The following ERI2 variants were observed in gnomAD, a reference collection of about 807,000 sequenced individuals.
The protein encoded by ERI2 is ERI1 exoribonuclease family member 2.
Under a neutral mutation model 46.8 loss-of-function variants are expected in ERI2, and 35 were observed. The observed-to-expected ratio is 0.75, with a 90% CI of 0.57 to 0.99. The LOEUF (loss-of-function observed/expected upper bound fraction) is 0.99. ERI2 is among the 50% of genes least tolerant of loss of function. The pLI is 0.00. For synonymous variants in ERI2, 224 were observed against 271.0 expected (o/e 0.83, Z 1.70); for missense variants, 695 against 796.2 (o/e 0.87, Z 1.53).
chr16:20,806,038 G>A (rs2080864554), intron 1 of ERI2: 7 of 1,189,938 alleles, frequency 5.9e-6, no homozygotes, highest in South Asian at 3.8e-5. Context: ...TTTCGAACAG[G>A]TTGAACACCT....
chr16:20,806,326 C>T, intron 1 of ERI2, 82 bp downstream of exon 1: 3 of 1,527,756 alleles, frequency 2.0e-6, no homozygotes, highest in African/African-American at 1.4e-5. Context: ...CCGCAGATGC[C>T]ACCTGCCGTG....
chr16:20,790,797 A>G lies in ERI2; in HGVS notation c.815+53T>C. 1 of 1,613,342 alleles carries G rather than the reference A, an allele frequency of 6.2e-7. No homozygotes were observed. Among genetic ancestry groups the G allele is most frequent in the African/African-American group, 1.3e-5 (1 of 74,962 alleles). ...AGGATAGGTACTTGACCCTTTCTTG[A>G]GAGATTGGTTGTCCTGAATAGTAAT... is the stretch of plus-strand genomic sequence containing the variant. On this transcript the variant is annotated intron_variant, in intron 9 of 10. Coordinates refer to the ERI2 transcript ENST00000300005. This position sits in a 1 kb window ranked among gnomAD's most constrained non-coding sequence, Gnocchi z 4.0.
chr16:20,798,302 T>A lies in ERI2; in HGVS notation c.1498A>T (p.Lys500Ter), dbSNP rs2080757136. 12 of 1,551,414 alleles carry A rather than the reference T, an allele frequency of 7.7e-6. No individual in the cohort carries two copies. Among genetic ancestry groups the A allele is most frequent in the Non-Finnish European group, 9.6e-6 (11 of 1,146,906 alleles). The change falls in exon 9 of 9, where the codon AAG becomes TAG. Residue 500 changes from lysine to a stop codon, truncating the protein, a stop_gained. Coordinates refer to ENST00000357967, the MANE Select transcript of ERI2 (RefSeq NM_001142725.2). LOFTEE classifies it high-confidence loss of function. The part of the protein sequence containing the change: ...KDPGSDISAF[K>*]LPEHKSSTFN... ...GTACTTGATTTGTGTTCAGGTAACT[T>A]AAAGGCAGAAATATCTGAACCTGGA...
downstream of ERI2, among the ~76,000 whole-genome samples, chr16:20,794,075 T>G (rs2080666163): frequency 6.6e-6 from 1 of 152,158 alleles, no homozygotes; most frequent in Admixed American, 6.5e-5. Context: ...GTAGAAGATG[T>G]GAGTGGGTAT....
In ERI2 at chr16:20,802,894, A is replaced by AT. The variant is rs779592371; in HGVS notation, c.204dup (p.Ser69IlefsTer6). On this transcript the variant is annotated frameshift_variant, in exon 4 of 9. Coordinates refer to ENST00000357967, the MANE Select transcript of ERI2 (RefSeq NM_001142725.2). LOFTEE classifies it high-confidence loss of function. ...AACTCAGAGTCAATCTGTCCAGTTG[A>AT]TGTGTTCAGCAACACTGCTGGAAAC... The AT allele has an allele frequency of 6.2e-7, 1 of 1,608,236 alleles. No homozygotes were observed. The highest frequency in any genetic ancestry group is 8.5e-7 in the Non-Finnish European group (1 of 1,176,042).
At chr16:20,801,438 G>T in intron 4 of ERI2, 79 bp from the exon 5 acceptor site, 1 of 1,405,418 alleles carries the variant, frequency 7.1e-7, no homozygotes, top group Non-Finnish European at 9.5e-7. Context: ...TGTGGAGAAA[G>T]ATTAATGGTT....
chr16:20,786,161 T>C, intron 10 of ERI2: 1 of 1,609,112 alleles, frequency 6.2e-7, no homozygotes. Flanking sequence ...ATGTTAAGGT[T>C]TGCACATCCC....
chr16:20,781,557 T>C (rs1424813730), intron 10 of ERI2: 7 of 710,544 alleles, frequency 9.9e-6, no homozygotes, highest in Non-Finnish European at 1.7e-5. Context: ...GAACCAATCC[T>C]GCAGACACTG....
chr16:20,804,730 A>G (rs1371157275), intron 1 of ERI2, among the ~76,000 whole-genome samples: 1 of 152,222 alleles, frequency 6.6e-6, no homozygotes, highest in Admixed American at 6.5e-5. Context: ...TCTTAAGTGC[A>G]AGTAAAACAA....
intron 1 of ERI2, chr16:20,805,838 CA>C (rs1381255470): frequency 2.2e-6 from 1 of 464,332 alleles, no homozygotes; most frequent in Non-Finnish European, 2.8e-6. Context: ...CCGTTCCAGC[CA>C]AAGGAAACCG....
At chr16:20,781,034 A>G in intron 10 of ERI2, 1 of 1,614,240 alleles carries the variant, frequency 6.2e-7, no homozygotes, top group Non-Finnish European at 8.5e-7. Context: ...CGGGCTGGGC[A>G]AAGTCTGCAT....
rs1213252139 is a variant in ERI2, at chr16:20,797,661, T to C, written c.*63A>G. 1 of 1,438,880 alleles carries C rather than the reference T, an allele frequency of 6.9e-7. No homozygotes were observed. Among genetic ancestry groups the C allele is most frequent in the South Asian group, 1.6e-5 (1 of 61,166 alleles). The allele number at this position is 1,438,880 out of a possible 1,614,324, so 89.1% of individuals were successfully genotyped here. On this transcript the variant is annotated 3_prime_UTR_variant, in exon 9 of 9. Transcript: ENST00000357967. ...AAAATAAAAATAAAATAGTGTAAGA[T>C]GTTATCAGAATACTCATGTTTGGAA...
chr16:20,801,079 T>A, intron 5 of ERI2, 124 bp downstream of exon 5: 1 of 890,050 alleles, frequency 1.1e-6, no homozygotes, highest in Non-Finnish European at 1.6e-6. Context: ...CATTTAAATT[T>A]TTTTTCCTAG....
At chr16:20,789,367 T>C in intron 10 of ERI2, 1 of 792,184 alleles carries the variant, frequency 1.3e-6, no homozygotes, top group Non-Finnish European at 2.2e-6. Context: ...AGGTTTAGCA[T>C]TAATTACTTA....
chr16:20,785,100 C>T (rs1250419272), intron 10 of ERI2: 1 of 1,613,136 alleles, frequency 6.2e-7, no homozygotes, highest in Non-Finnish European at 8.5e-7. Flanking sequence ...TATGGACAGA[C>T]TGAAACGGTA....
chr16:20,791,800 C>T (rs1207747051), downstream of ERI2, among the ~76,000 whole-genome samples: 1 of 151,914 alleles, frequency 6.6e-6, no homozygotes, highest in African/African-American at 2.4e-5. Flanking sequence ...TGGTGGTGCA[C>T]GTCTATAGTC....
At chr16:20,784,483 C>A (rs576205123) in intron 10 of ERI2, 1 of 152,722 alleles carries the variant, frequency 6.5e-6, no homozygotes, top group East Asian at 1.9e-4. Flanking sequence ...TGGTACTTTT[C>A]ATTGCTGATT....
intron 10 of ERI2, chr16:20,780,840 A>T (rs2080336501): frequency 3.1e-6 from 5 of 1,614,112 alleles, no homozygotes; most frequent in Non-Finnish European, 4.2e-6. Flanking sequence ...TTGGTTTAGG[A>T]TTATCTGTAA....
Position 20,799,999 on chromosome 16 carries a change from AGGC to A in ERI2, c.598_600del (p.Ala200del), listed in dbSNP as rs2080779258. On this transcript the variant is annotated inframe_deletion, in exon 7 of 9. Coordinates refer to ENST00000357967, the MANE Select transcript of ERI2 (RefSeq NM_001142725.2). ...GAGAATTCTATTCCTACTTCCTGCA[AGGC>A]ACCACTTAGTCCTTTTGGTTTTCTC... 1.9e-6 allele frequency: 3 copies of A among 1,606,886 alleles called. No homozygotes were observed. The Admixed American group carries it at 5.0e-5, about 27-fold the overall frequency.
Sources: gnomAD v4.1 joint callset for allele counts (sites outside exome capture counted in the v4.1 genomes callset) on GRCh38, gnomAD v4.1.1 for gene constraint, Gnocchi (gnomAD v3.1) non-coding constraint, MANE v1.5 for transcripts, NCBI Gene and HGNC (gene_info 2026-07-23, HGNC 2026-07-21) for gene names.